Variants in ANAPC10 observed in about 807,000 individuals in gnomAD.
ANAPC10 encodes anaphase promoting complex subunit 10.
Under a neutral mutation model 22.0 loss-of-function variants are expected in ANAPC10, and 12 were observed. The observed-to-expected ratio is 0.55, with a 90% CI of 0.35 to 0.88. The LOEUF (loss-of-function observed/expected upper bound fraction) is 0.88, where lower values mean the gene tolerates loss of function less well. Ranked by LOEUF, ANAPC10 falls within the 40% of genes least tolerant of loss-of-function variation. The pLI, the probability that ANAPC10 is intolerant of heterozygous loss-of-function variation, is 0.01. For synonymous variants in ANAPC10, 65 were observed against 69.5 expected (o/e 0.94, Z 0.32); for missense variants, 188 against 220.9 (o/e 0.85, Z 0.94).
chr4:145,037,022 GTGTGTGTGTGTGTGTGTA>G lies in ANAPC10; in HGVS notation c.327+27532_327+27549del, dbSNP rs1173997986. ...TGTGTGTGTGTGTGTGTGTGTGTGT[GTGTGTGTGTGTGTGTGTA>G]TGTGTGTGCATGCATGAATGTGTGT... On this transcript the variant is annotated intron_variant, in intron 4 of 4. Coordinates refer to ENST00000507656, the MANE Select transcript of ANAPC10 (RefSeq NM_001256706.2). Among the ~76,000 whole-genome samples the G allele has an allele frequency of 3.0e-4, 43 of 143,762 alleles. No homozygotes were observed. The Middle Eastern group carries it at 0.015, about 49-fold the overall frequency. 94.3% of individuals were successfully genotyped at this position (143,762 alleles called of 152,430 possible). A position where few individuals can be genotyped will look rare whatever the true frequency, so the allele number is the denominator to read the frequency against.
intron 2 of ANAPC10, among the ~76,000 whole-genome samples, chr4:145,094,096 T>C (rs531504735): frequency 4.6e-4 from 70 of 152,326 alleles, no homozygotes; most frequent in African/African-American, 1.5e-3. Flanking sequence ...TTTTGAAAGC[T>C]AGCTACTACT....
chr4:145,060,558 CAA>C (rs1221998080), intron 4 of ANAPC10, among the ~76,000 whole-genome samples: 1 of 151,578 alleles, frequency 6.6e-6, no homozygotes, highest in African/African-American at 2.4e-5. Flanking sequence ...CTCAAGTAAA[CAA>C]ATTCATAATT....
chr4:145,025,172 TTTGA>T (rs1736483340), intron 4 of ANAPC10, among the ~76,000 whole-genome samples: 1 of 151,470 alleles, frequency 6.6e-6, no homozygotes, highest in Admixed American at 6.6e-5. Context: ...TTGTGGCTGG[TTTGA>T]TTTTCTATCC....
intron 3 of ANAPC10, among the ~76,000 whole-genome samples, chr4:145,065,880 C>T (rs1311537732): frequency 1.3e-5 from 2 of 151,694 alleles, no homozygotes; most frequent in Non-Finnish European, 2.9e-5. Context: ...TAACTGTTTT[C>T]GTGGGATGGG....
chr4:145,093,234 C>T lies in ANAPC10; in HGVS notation c.115+2751G>A, dbSNP rs1221352306. On this transcript the variant is annotated intron_variant, in intron 2 of 4. Transcript: ENST00000507656. ...GAAAATGTCTCTGGCACAATGTTCT[C>T]ACAGTAAGCACAGGGCATCTTTAGA... Among the ~76,000 whole-genome samples the T allele has an allele frequency of 3.9e-5, 6 of 152,130 alleles. No individual in the cohort carries two copies. In the East Asian group the frequency reaches 9.6e-4, roughly 24 times the overall value.
chr4:145,035,485 TG>T (rs1738379755), intron 4 of ANAPC10: 1 of 152,250 alleles, frequency 6.6e-6, no homozygotes, highest in Non-Finnish European at 1.5e-5. Context: ...ACCATTGTCA[TG>T]GGGCAGGAGC....
chr4:145,083,120 T>C (rs1387717650), intron 2 of ANAPC10, among the ~76,000 whole-genome samples: 2 of 152,176 alleles, frequency 1.3e-5, no homozygotes, highest in African/African-American at 4.8e-5. Context: ...TTTTTTACCA[T>C]ACGAATATTT....
chr4:145,094,345 A>C (rs891556615), intron 2 of ANAPC10, among the ~76,000 whole-genome samples: 5 of 152,198 alleles, frequency 3.3e-5, no homozygotes, highest in Non-Finnish European at 7.4e-5. Flanking sequence ...AAGACTGACC[A>C]TAAAGAGACA....
chr4:145,078,279 C>CAA (rs1203635159), intron 3 of ANAPC10, among the ~76,000 whole-genome samples: 1 of 140,868 alleles, frequency 7.1e-6, no homozygotes, highest in African/African-American at 2.6e-5. Context: ...AAAACAGCCA[C>CAA]AAAAAAAAAA....
At position 144,995,555 on chromosome 4, in the gene ANAPC10, C is replaced by T. The variant is rs1731485450; in HGVS notation, c.376G>A (p.Asp126Asn). 3 of 1,613,530 alleles carry T rather than the reference C, an allele frequency of 1.9e-6. No homozygotes were observed. The highest frequency in any genetic ancestry group is 1.7e-5 in the Admixed American group (1 of 59,900). The change falls in exon 5 of 5, where the codon GAC (aspartate) becomes AAC (asparagine). Residue 126 changes from aspartate (D) to asparagine (N), a missense_variant. Asp to Asn is a conservative substitution (Grantham distance 23, BLOSUM62 1). Transcript: ENST00000507656. ...GTACGAGTTGGCTTCTTATGATTGT[C>T]AGTTAAGGGAACATGAATCCAGCCA... ...PSGWIHVPLT[D>N]NHKKPTRTFM...
intron 4 of ANAPC10, among the ~76,000 whole-genome samples, chr4:145,055,580 TA>T (rs879260013): frequency 4.4e-4 from 63 of 143,572 alleles, no homozygotes; most frequent in African/African-American, 1.1e-3. Flanking sequence ...AAAAATTAAA[TA>T]AAAAAAAAAG....
chr4:145,049,247 C>T (rs1484328653), intron 4 of ANAPC10, among the ~76,000 whole-genome samples: 1 of 152,150 alleles, frequency 6.6e-6, no homozygotes, highest in Non-Finnish European at 1.5e-5. Flanking sequence ...GTGGTAGTTA[C>T]TAAAGGCTGA....
chr4:145,018,047 A>G (rs957085363), intron 4 of ANAPC10, among the ~76,000 whole-genome samples: 1 of 151,658 alleles, frequency 6.6e-6, no homozygotes, highest in Non-Finnish European at 1.5e-5. Context: ...CAGCACACCA[A>G]CATGGCACAT....
At chr4:145,096,983 G>A (rs548909967) in intron 1 of ANAPC10, among the ~76,000 whole-genome samples, 1 of 152,236 alleles carries the variant, frequency 6.6e-6, no homozygotes, top group South Asian at 2.1e-4. Context: ...GGCCAAGGCA[G>A]GTGGATTGCT....
chr4:144,995,541 C>T lies in ANAPC10; in HGVS notation c.390G>A (p.Lys130=), dbSNP rs749241858. 5.0e-6 allele frequency: 8 copies of T among 1,613,770 alleles called. No homozygotes were observed. The highest frequency in any genetic ancestry group is 6.8e-6 in the Non-Finnish European group (8 of 1,179,886). ...IHVPLTDNHK[K]PTRTFMIQIA... ...TCTGTATCATGAATGTACGAGTTGG[C>T]TTCTTATGATTGTCAGTTAAGGGAA... Residue 130 remains lysine, a synonymous_variant, in exon 5 of 5, where the codon AAG becomes AAA. Coordinates refer to ENST00000507656, the MANE Select transcript of ANAPC10 (RefSeq NM_001256706.2).
intron 2 of ANAPC10, among the ~76,000 whole-genome samples, chr4:145,091,795 C>T (rs1014741570): frequency 3.3e-5 from 5 of 152,186 alleles, no homozygotes; most frequent in African/African-American, 1.2e-4. Flanking sequence ...AATGGTTGAA[C>T]TAATTTACAT....
chr4:145,017,843 T>C (rs1039801776), intron 4 of ANAPC10, among the ~76,000 whole-genome samples: 1 of 151,776 alleles, frequency 6.6e-6, no homozygotes, highest in African/African-American at 2.4e-5. Flanking sequence ...ATGGAAACCA[T>C]CATTCTCAGC....
intron 2 of ANAPC10, among the ~76,000 whole-genome samples, chr4:145,086,304 G>GT (rs1746886927): frequency 6.6e-6 from 1 of 152,112 alleles, no homozygotes; most frequent in Non-Finnish European, 1.5e-5. Flanking sequence ...AAACAAAGAC[G>GT]TATCTATGAT....
chr4:145,002,504 T>A (rs984182773), intron 4 of ANAPC10, among the ~76,000 whole-genome samples: 1 of 152,162 alleles, frequency 6.6e-6, no homozygotes, highest in Non-Finnish European at 1.5e-5. Flanking sequence ...GCTCCAGAAG[T>A]CGTCCCTGGA....
Sources: gnomAD v4.1 joint callset for allele counts (sites outside exome capture counted in the v4.1 genomes callset) on GRCh38, gnomAD v4.1.1 for gene constraint, MANE v1.5 for transcripts, NCBI Gene and HGNC (gene_info 2026-07-23, HGNC 2026-07-21) for gene names.